AKT1S1: variants seen among roughly 807,000 people sequenced by gnomAD.
AKT1S1 encodes the protein proline-rich AKT1 substrate 1.
A neutral mutation model predicts 21.2 loss-of-function variants in AKT1S1; 17 were observed. The observed-to-expected ratio is 0.80, with a 90% CI of 0.55 to 1.20. The LOEUF (loss-of-function observed/expected upper bound fraction) is 1.20. Ranked by LOEUF, AKT1S1 falls within the 50% of genes most tolerant of loss-of-function variation. The pLI, the probability that AKT1S1 is intolerant of heterozygous loss-of-function variation, is 0.00. For synonymous variants in AKT1S1, 181 were observed against 165.6 expected (o/e 1.09, Z -0.72); for missense variants, 366 against 368.3 (o/e 0.99, Z 0.05).
At position 49,869,830 on chromosome 19, in the gene AKT1S1, G is replaced by C. The variant is rs1189625619; in HGVS notation, c.*87C>G. 2 of 1,286,178 alleles carry C rather than the reference G, an allele frequency of 1.6e-6. No individual in the cohort carries two copies. Among genetic ancestry groups the C allele is most frequent in the Non-Finnish European group, 2.0e-6 (2 of 991,338 alleles). 79.7% of individuals were successfully genotyped at this position (1,286,178 alleles called of 1,614,324 possible). On this transcript the variant is annotated 3_prime_UTR_variant, in exon 5 of 5. Transcript: ENST00000344175. ...GACGCAAGGAGGCCGGTCCCGGATC[G>C]GCCTCAGATTAGCAGGCCCCGGGAG...
Position 49,873,088 on chromosome 19 carries a change from T to G in AKT1S1, c.208A>C (p.Arg70=). 2 of 1,550,074 alleles carry G rather than the reference T, an allele frequency of 1.3e-6. No individual in the cohort carries two copies. Among genetic ancestry groups the G allele is most frequent in the Non-Finnish European group, 1.7e-6 (2 of 1,149,910 alleles). The change falls in exon 2 of 5, where the codon AGG becomes CGG. Residue 70 remains arginine (R), a synonymous_variant. Transcript: ENST00000344175. The surrounding 1 kb of genome is among the most constrained non-coding windows in gnomAD (Gnocchi z 6.9). Reference sequence around the variant, plus strand: ...GGAGGCCGAGCAGCAGTGGCAGCCCTGTGGGCCAGTGCGATGTCGTGGAGG... The same window carrying G: ...GGAGGCCGAGCAGCAGTGGCAGCCCGGTGGGCCAGTGCGATGTCGTGGAGG... ...RCLHDIALAH[R]AATAARPPAP... is the part of the protein sequence containing the mutation.
At chr19:49,875,844 G>A (rs142705165) in intron 1 of AKT1S1, 1 of 985,446 alleles carries the variant, frequency 1.0e-6, no homozygotes, top group Non-Finnish European at 1.2e-6. Flanking sequence ...CCCAACAGGA[G>A]AGTAGCCAAG....
intron 4 of AKT1S1, among the ~76,000 whole-genome samples, chr19:49,871,297 G>T (rs1292078236): frequency 6.6e-6 from 1 of 152,214 alleles, no homozygotes; most frequent in African/African-American, 2.4e-5. Context: ...GCCTTGCCCA[G>T]AGCAGGTGTT....
chr19:49,872,015 T>C lies in AKT1S1; in HGVS notation c.380-126A>G. On this transcript the variant is annotated intron_variant, in intron 2 of 4. Transcript: ENST00000344175. ...ACCTCCCTGAAGCTTCTGAGACCCATTTCCTTCACCTCAAAAACAACTTCC... is the reference window on the plus strand; with the variant it reads ...ACCTCCCTGAAGCTTCTGAGACCCACTTCCTTCACCTCAAAAACAACTTCC... The C allele has an allele frequency of 5.7e-6, 6 of 1,044,898 alleles. No individual in the cohort carries two copies. In the South Asian group the frequency reaches 8.3e-5, roughly 15 times the overall value. The allele number at this position is 1,044,898 out of a possible 1,614,324, so 64.7% of individuals were successfully genotyped here.
chr19:49,871,979 C>A, intron 2 of AKT1S1, 90 bp from the exon 3 acceptor site: 1 of 1,280,072 alleles, frequency 7.8e-7, no homozygotes, highest in Non-Finnish European at 1.1e-6. Context: ...ACTGCCACAG[C>A]CACCACCTCC....
rs1008168610 is a variant in AKT1S1, at chr19:49,873,297, C to A, written c.-2G>T. ...CTCCTCGGGGCGCCCCGACGCCATC[C>A]GCGCCCTGCGGGCCAGAGCAGGACA... is the stretch of plus-strand genomic sequence containing the variant. On this transcript the variant is annotated 5_prime_UTR_variant, in exon 2 of 5. Coordinates refer to ENST00000344175, the MANE Select transcript of AKT1S1 (RefSeq NM_001098633.4). This position sits in a 1 kb window ranked among gnomAD's most constrained non-coding sequence, Gnocchi z 6.9. 1.3e-6 allele frequency: 2 copies of A among 1,491,318 alleles called. No homozygotes were observed. The highest frequency in any genetic ancestry group is 1.8e-6 in the Non-Finnish European group (2 of 1,131,922). 92.4% of individuals were successfully genotyped at this position (1,491,318 alleles called of 1,614,324 possible).
rs568701937 is a variant in AKT1S1 at position 49,869,856 on chromosome 19, T to TG, written c.*60dup. The TG allele has an allele frequency of 1.4e-4, 185 of 1,362,304 alleles. No individual in the cohort carries two copies. The African/African-American group carries it at 2.1e-3, about 15-fold the overall frequency. 84.4% of individuals were successfully genotyped at this position (1,362,304 alleles called of 1,614,324 possible). A position where few individuals can be genotyped will look rare whatever the true frequency, so the allele number is the denominator to read the frequency against. ...GCCTCAGATTAGCAGGCCCCGGGAGTGGGGCGGGGGCGTAGTGTGGGACGG... is the reference window on the plus strand; with the variant it reads ...GCCTCAGATTAGCAGGCCCCGGGAGTGGGGGCGGGGGCGTAGTGTGGGACGG... On this transcript the variant is annotated 3_prime_UTR_variant, in exon 5 of 5. Transcript: ENST00000344175.
At chr19:49,876,716 C>A in intron 1 of AKT1S1, 1 of 1,408,776 alleles carries the variant, frequency 7.1e-7, no homozygotes, top group Admixed American at 3.2e-5. Flanking sequence ...ACTCCGCCTC[C>A]CTTATCGGGG....
chr19:49,877,909 A>G, upstream of AKT1S1: 2 of 889,424 alleles, frequency 2.2e-6, no homozygotes, highest in Middle Eastern at 2.3e-4. Flanking sequence ...CCCAGGGAAG[A>G]ACCTCCCATG....
intron 1 of AKT1S1, chr19:49,876,178 G>A (rs2074940940): frequency 9.9e-7 from 1 of 1,009,040 alleles, no homozygotes; most frequent in East Asian, 9.4e-5. Flanking sequence ...GCCACGCTCA[G>A]CTGCCCCGAG....
At chr19:49,876,970 C>G in intron 1 of AKT1S1, 1 of 346,214 alleles carries the variant, frequency 2.9e-6, no homozygotes. Context: ...AACAACATGG[C>G]AGCCAACCGG....
In AKT1S1 at chr19:49,869,638, C is replaced by G. The variant is rs1308919896; in HGVS notation, c.*279G>C. Reference sequence around the variant, plus strand: ...AACAAAGGAGTTGACCCATTTAGAGCTTAGAACTCAGCGAGCCAATCCCTT... The same window carrying G: ...AACAAAGGAGTTGACCCATTTAGAGGTTAGAACTCAGCGAGCCAATCCCTT... On this transcript the variant is annotated 3_prime_UTR_variant, in exon 5 of 5. Coordinates refer to ENST00000344175, the MANE Select transcript of AKT1S1 (RefSeq NM_001098633.4). The G allele has an allele frequency of 5.4e-6, 2 of 367,520 alleles. No individual in the cohort carries two copies. The highest frequency in any genetic ancestry group is 9.2e-5 in the Admixed American group (2 of 21,646). The allele number at this position is 367,520 out of a possible 1,614,324, so 22.8% of individuals were successfully genotyped here.
intron 4 of AKT1S1, among the ~76,000 whole-genome samples, chr19:49,870,403 C>T (rs4802633): frequency 0.037 from 5,706 of 152,288 alleles, 286 homozygotes; most frequent in East Asian, 0.13. Flanking sequence ...GCTGGGGTTT[C>T]AGTCATGTTC....
intron 1 of AKT1S1, chr19:49,874,079 A>C (rs548779414): frequency 3.3e-5 from 5 of 152,414 alleles, no homozygotes; most frequent in Non-Finnish European, 7.3e-5. Context: ...TCCTGCCTCC[A>C]CGGCCTTCCA....
In AKT1S1 at chr19:49,875,570, C is replaced by T. The variant is rs2074930228; in HGVS notation, c.-8+1667G>A. On this transcript the variant is annotated intron_variant, in intron 1 of 4. Coordinates refer to ENST00000344175, the MANE Select transcript of AKT1S1 (RefSeq NM_001098633.4). ...GAAATGGCTGGTCCAAAGTCAACTG[C>T]CTCGCCGTGCTAGGCCTGGGGCTCT... Among the ~76,000 whole-genome samples, 3 of 152,246 alleles carry T rather than the reference C, an allele frequency of 2.0e-5. No individual in the cohort carries two copies. In the South Asian group the frequency reaches 6.2e-4, roughly 31 times the overall value.
intron 1 of AKT1S1, chr19:49,876,299 G>A (rs1051331493): frequency 1.3e-5 from 15 of 1,192,718 alleles, no homozygotes; most frequent in African/African-American, 1.6e-5. Context: ...GGACGGGTGA[G>A]GGGCGCCCCG....
chr19:49,876,646 C>T, intron 1 of AKT1S1: 1 of 1,510,978 alleles, frequency 6.6e-7, no homozygotes, highest in Non-Finnish European at 8.9e-7. Flanking sequence ...TCACCGCCCT[C>T]AAAAGACATG....
chr19:49,878,260 G>C (rs1433136780), upstream of AKT1S1: 18 of 1,552,666 alleles, frequency 1.2e-5, no homozygotes, highest in Admixed American at 3.1e-4. Flanking sequence ...GGAGGGAGCA[G>C]GGCTCGGACC....
rs1181729680 is a variant in AKT1S1 at position 49,869,899 on chromosome 19, G to C, written c.*18C>G. ...TGGGACGGGGCGGACGCGGCCCGGG[G>C]CGCTCCCTCCCTGGACTTCAATATT... is the stretch of plus-strand genomic sequence containing the variant. On this transcript the variant is annotated 3_prime_UTR_variant, in exon 5 of 5. Coordinates refer to ENST00000344175, the MANE Select transcript of AKT1S1 (RefSeq NM_001098633.4). 20 of 1,479,204 alleles carry C rather than the reference G, an allele frequency of 1.4e-5. No individual in the cohort carries two copies. Among genetic ancestry groups the C allele is most frequent in the Non-Finnish European group, 1.8e-5 (20 of 1,102,038 alleles). 91.6% of individuals were successfully genotyped at this position (1,479,204 alleles called of 1,614,324 possible).
Sources: allele counts gnomAD v4.1 joint callset (sites outside exome capture counted in the v4.1 genomes callset), GRCh38; gene constraint gnomAD v4.1.1; non-coding constraint Gnocchi (gnomAD v3.1); transcripts MANE v1.5; gene names NCBI Gene and HGNC (gene_info 2026-07-23, HGNC 2026-07-21).